Variants in TM4SF5 observed in about 807,000 individuals in gnomAD.
TM4SF5 encodes the protein transmembrane 4 L six family member 5.
In TM4SF5, 16 loss-of-function variants were observed where a neutral mutation model predicts 22.3. That is an observed-to-expected ratio of 0.72 (90% confidence interval 0.49 to 1.09). The LOEUF is 1.09. TM4SF5 is among the 50% of genes least tolerant of loss of function. The probability of loss-of-function intolerance (pLI) is 0.00; values close to 1 mark genes in which losing one functional copy is unlikely to be tolerated. For missense variants in TM4SF5, 249 were observed against 266.1 expected (o/e 0.94, Z 0.45); for synonymous variants, 113 against 109.6 (o/e 1.03, Z -0.19).
At chr17:4,773,546 T>C (rs1310206787) in intron 1 of TM4SF5, among the ~76,000 whole-genome samples, 1 of 152,148 alleles carries the variant, frequency 6.6e-6, no homozygotes, top group Non-Finnish European at 1.5e-5. Flanking sequence ...AGAGCTCCCC[T>C]TGGTCCCTTT....
At chr17:4,782,375 G>T (rs543598084) in intron 2 of TM4SF5, 128 bp from the exon 3 acceptor site, 150 of 1,182,174 alleles carry the variant, frequency 1.3e-4, no homozygotes, top group Non-Finnish European at 1.7e-4. Context: ...CACCGCGCCC[G>T]GCATTAAAAA....
rs1917345208 is a variant in TM4SF5, at chr17:4,782,969, G to C, written c.511G>C (p.Val171Leu). Residue 171 changes from valine (V) to leucine (L), a missense_variant, in exon 4 of 5, where the codon GTA becomes CTA. Transcript: ENST00000270560. Reference protein sequence around the residue: ...LLVAASCLEIVLCGIQLVNAT... With the variant: ...LLVAASCLEILLCGIQLVNAT... ...GGTGGCCGCCTCCTGCCTGGAGATA[G>C]TACTGTGTGGGATCCAGCTGGTGAA... 6.2e-7 allele frequency: 1 copy of C among 1,614,232 alleles called. No individual in the cohort carries two copies. The highest frequency in any genetic ancestry group is 8.5e-7 in the Non-Finnish European group (1 of 1,180,034).
At chr17:4,781,197 G>A (rs1384360229) in intron 2 of TM4SF5, among the ~76,000 whole-genome samples, 1 of 151,824 alleles carries the variant, frequency 6.6e-6, no homozygotes, top group Non-Finnish European at 1.5e-5. Flanking sequence ...AGGCGTGGTG[G>A]CGGGCACCTG....
At chr17:4,773,113 T>C (rs2326099) in intron 1 of TM4SF5, among the ~76,000 whole-genome samples, 71,962 of 151,684 alleles carry the variant, frequency 0.47, 17,339 homozygotes, top group South Asian at 0.67. Flanking sequence ...CCACGTTGGC[T>C]AGGCTGGTCT....
At chr17:4,779,776 A>G (rs1917267052) in intron 1 of TM4SF5, among the ~76,000 whole-genome samples, 1 of 152,206 alleles carries the variant, frequency 6.6e-6, no homozygotes, top group African/African-American at 2.4e-5. Context: ...AAACCAAGAT[A>G]TTCAAGTGAA....
intron 3 of TM4SF5, 55 bp from the exon 4 acceptor site, chr17:4,782,799 C>A: frequency 1.9e-6 from 3 of 1,579,332 alleles, no homozygotes; most frequent in South Asian, 2.3e-5. Context: ...TTCTTGGGGG[C>A]GGGGTGGCGC....
intron 1 of TM4SF5, among the ~76,000 whole-genome samples, chr17:4,772,722 T>TG (rs916662777): frequency 6.6e-6 from 1 of 150,578 alleles, no homozygotes; most frequent in Non-Finnish European, 1.5e-5. Flanking sequence ...TTTTTTGTTT[T>TG]TTTTTTTTTT....
At chr17:4,774,718 C>T (rs1373751504) in intron 1 of TM4SF5, among the ~76,000 whole-genome samples, 2 of 151,994 alleles carry the variant, frequency 1.3e-5, no homozygotes, top group African/African-American at 2.4e-5. Context: ...ACCAGCCTGA[C>T]CAACATGCAG....
At chr17:4,775,800 C>T (rs1917193543) in intron 1 of TM4SF5, among the ~76,000 whole-genome samples, 1 of 152,120 alleles carries the variant, frequency 6.6e-6, no homozygotes, top group Non-Finnish European at 1.5e-5. Context: ...CTTCTAACCC[C>T]ATAGACGAGT....
intron 1 of TM4SF5, among the ~76,000 whole-genome samples, chr17:4,779,306 G>A (rs903319895): frequency 6.6e-6 from 1 of 152,000 alleles, no homozygotes; most frequent in Admixed American, 6.6e-5. Context: ...ACGCATGCCT[G>A]CGATACCAGC....
In TM4SF5 at chr17:4,782,875, C is replaced by T. The variant is rs2150648942; in HGVS notation, c.417C>T (p.Arg139=). ...ACAGGGGAGCTTACTTGCTCAACCG[C>T]ACTCTATGGGATCGGTGCGAGGCGC... ...EDTAGAYLLN[R]TLWDRCEAPP... Residue 139 remains arginine (R), a synonymous_variant, in exon 4 of 5, where the codon CGC becomes CGT. Transcript: ENST00000270560. 2 of 1,613,806 alleles carry T rather than the reference C, an allele frequency of 1.2e-6. No individual in the cohort carries two copies. Among genetic ancestry groups the T allele is most frequent in the East Asian group, 2.2e-5 (1 of 44,878 alleles).
chr17:4,777,886 A>G (rs1016942103), intron 1 of TM4SF5, among the ~76,000 whole-genome samples: 10 of 152,034 alleles, frequency 6.6e-5, no homozygotes, highest in Admixed American at 4.6e-4. Flanking sequence ...CTTCGTCTCA[A>G]AAAAGAAAAA....
chr17:4,782,813 C>T, intron 3 of TM4SF5, 41 bp from the exon 4 acceptor site: 2 of 1,590,396 alleles, frequency 1.3e-6, no homozygotes, highest in East Asian at 2.2e-5. Context: ...GTGGCGCACG[C>T]GCACGCTGCC....
chr17:4,773,195 G>A (rs551018490), intron 1 of TM4SF5, among the ~76,000 whole-genome samples: 8 of 151,732 alleles, frequency 5.3e-5, no homozygotes, highest in Non-Finnish European at 1.0e-4. Context: ...GTGAGCCACC[G>A]CCCCAGCTTA....
At chr17:4,776,357 A>C (rs1347752181) in intron 1 of TM4SF5, among the ~76,000 whole-genome samples, 3 of 151,448 alleles carry the variant, frequency 2.0e-5, no homozygotes, top group Non-Finnish European at 4.4e-5. Context: ...GCTGGAGTAC[A>C]ATGGCGCCAT....
At chr17:4,773,097 G>A (rs1212038090) in intron 1 of TM4SF5, among the ~76,000 whole-genome samples, 1 of 152,014 alleles carries the variant, frequency 6.6e-6, no homozygotes, top group Non-Finnish European at 1.5e-5. Context: ...TAGAGACAGG[G>A]TTTCGCCACG....
chr17:4,780,326 A>AT (rs1304585871), intron 1 of TM4SF5, among the ~76,000 whole-genome samples: 36 of 152,174 alleles, frequency 2.4e-4, no homozygotes, highest in African/African-American at 8.7e-4. Context: ...ACATGCTGGG[A>AT]TTTCAGGCGT....
At chr17:4,772,208 T>C (rs1917123400) in intron 1 of TM4SF5, 109 bp downstream of exon 1, 2 of 1,378,386 alleles carry the variant, frequency 1.5e-6, no homozygotes, top group Non-Finnish European at 2.0e-6. Context: ...TGGGAGAGGA[T>C]GGCAATGGCT....
rs761604378 is a variant in TM4SF5, at chr17:4,771,962, C to T, written c.40C>T (p.Leu14Phe). ...ATGTGCCCGCTGTGTGGGGCTCTCCCTCATTACCCTCTGCCTCGTCTGCAT... is the reference window on the plus strand; with the variant it reads ...ATGTGCCCGCTGTGTGGGGCTCTCCTTCATTACCCTCTGCCTCGTCTGCAT... Reference protein sequence around the residue: ...GKCARCVGLSLITLCLVCIVA... With the variant: ...GKCARCVGLSFITLCLVCIVA... Residue 14 changes from leucine to phenylalanine, a missense_variant, in exon 1 of 5, where the codon CTC becomes TTC. Leu to Phe is a conservative substitution (Grantham distance 22, BLOSUM62 0). Transcript: ENST00000270560. 4 of 1,614,222 alleles carry T rather than the reference C, an allele frequency of 2.5e-6. No homozygotes were observed. The Admixed American group carries it at 5.0e-5, about 20-fold the overall frequency.
Sources: gnomAD v4.1 joint callset for allele counts (sites outside exome capture counted in the v4.1 genomes callset) on GRCh38, gnomAD v4.1.1 for gene constraint, MANE v1.5 for transcripts, NCBI Gene and HGNC (gene_info 2026-07-23, HGNC 2026-07-21) for gene names.